ARHGAP27: variants seen among roughly 807,000 people sequenced by gnomAD.
The protein encoded by ARHGAP27 is rho GTPase-activating protein 27.
ARHGAP27 carries 53 observed loss-of-function variants against 102.0 expected under a neutral mutation model. The ratio of observed to expected loss-of-function variants is 0.52; its 90% confidence interval spans 0.42 to 0.65. ARHGAP27 has a LOEUF of 0.65. Ranked by LOEUF, ARHGAP27 falls within the 30% of genes least tolerant of loss-of-function variation. The pLI, the probability that ARHGAP27 is intolerant of heterozygous loss-of-function variation, is 0.00. For missense variants in ARHGAP27, 1,117 were observed against 1,256.2 expected, an observed-to-expected ratio of 0.89 and a Z score of 1.68; for synonymous variants, 525 against 542.8, an observed-to-expected ratio of 0.97 and a Z score of 0.46.
chr17:45,404,802 T>C (rs1323314678), intron 6 of ARHGAP27, 121 bp from the exon 7 acceptor site: 5 of 1,520,834 alleles, frequency 3.3e-6, no homozygotes, highest in Non-Finnish European at 4.5e-6. Context: ...CAGGTGACTG[T>C]GTTTGGCTGG....
At chr17:45,413,996 C>T (rs1487554941) in intron 4 of ARHGAP27, among the ~76,000 whole-genome samples, 2 of 152,044 alleles carry the variant, frequency 1.3e-5, no homozygotes, top group Admixed American at 6.6e-5. Flanking sequence ...ATTCCAGCTA[C>T]TCGGGAGGCT....
chr17:45,405,487 C>T (rs1427900438), intron 5 of ARHGAP27, among the ~76,000 whole-genome samples, 189 bp downstream of exon 5: 1 of 151,396 alleles, frequency 6.6e-6, no homozygotes, highest in African/African-American at 2.4e-5. Flanking sequence ...GCCCCGCCCA[C>T]TCCAGCCCCG....
At chr17:45,402,931 G>C (rs1401791132) in intron 11 of ARHGAP27, 113 bp from the exon 12 acceptor site, 9 of 932,750 alleles carry the variant, frequency 9.6e-6, no homozygotes, top group Non-Finnish European at 1.5e-5. Flanking sequence ...AACAACTCTG[G>C]GGAAAAGTGC....
chr17:45,418,430 A>ACTGCACTCCAGCCTGGG (rs2048699970), intron 4 of ARHGAP27, among the ~76,000 whole-genome samples: 1 of 151,866 alleles, frequency 6.6e-6, no homozygotes, highest in African/African-American at 2.4e-5. Context: ...TGATCGCACC[A>ACTGCACTCCAGCCTGGG]CTGCACTCCA....
In ARHGAP27 at chr17:45,395,641, A is replaced by AGGGG; in HGVS notation, c.2493-12_2493-9dup. 6.6e-7 allele frequency: 1 copy of AGGGG among 1,506,814 alleles called. No homozygotes were observed. The highest frequency in any genetic ancestry group is 9.0e-7 in the Non-Finnish European group (1 of 1,112,792). The allele number at this position is 1,506,814 out of a possible 1,614,324, so 93.3% of individuals were successfully genotyped here. A position where few individuals can be genotyped will look rare whatever the true frequency, so the allele number is the denominator to read the frequency against. On this transcript the variant is annotated splice_polypyrimidine_tract_variant and intron_variant, in intron 19 of 19. Coordinates refer to ENST00000685559, the MANE Select transcript of ARHGAP27 (RefSeq NM_001282290.2). ...TCGCCGTGCTCGATCACCCTGTGGC[A>AGGGG]GGGGTGGGTGGGTTCAGGGCTCCGA...
chr17:45,397,880 G>A, intron 13 of ARHGAP27, 69 bp downstream of exon 13: 2 of 1,392,902 alleles, frequency 1.4e-6, no homozygotes, highest in South Asian at 2.6e-5. Context: ...CCCTGAGCCT[G>A]AGCAGAGGGC....
chr17:45,398,051 GA>G lies in ARHGAP27; in HGVS notation c.1744-5del. On this transcript the variant is annotated splice_polypyrimidine_tract_variant and splice_region_variant and intron_variant, in intron 12 of 19. Coordinates refer to ENST00000685559, the MANE Select transcript of ARHGAP27 (RefSeq NM_001282290.2). ...CAGAGCCATCTCGGCTCCGTAGCTGGAGGGACACAAGTCAGTGGGTCATCTC... is the reference window on the plus strand; with the variant it reads ...CAGAGCCATCTCGGCTCCGTAGCTGGGGGACACAAGTCAGTGGGTCATCTC... The G allele has an allele frequency of 6.2e-7, 1 of 1,600,606 alleles. No individual in the cohort carries two copies. Among genetic ancestry groups the G allele is most frequent in the Non-Finnish European group, 8.5e-7 (1 of 1,170,016 alleles).
At position 45,404,545 on chromosome 17, in the gene ARHGAP27, A is replaced by T. The variant is rs1400243736; in HGVS notation, c.1330-17T>A. On this transcript the variant is annotated splice_polypyrimidine_tract_variant and intron_variant, in intron 7 of 19. Coordinates refer to ENST00000685559, the MANE Select transcript of ARHGAP27 (RefSeq NM_001282290.2). ...GACAGGGACCTGGGGAGAAAGACAC[A>T]GTCGTATATGATCTCTTCCTCTCTC... The T allele has an allele frequency of 6.2e-7, 1 of 1,613,164 alleles. No individual in the cohort carries two copies. The highest frequency in any genetic ancestry group is 8.5e-7 in the Non-Finnish European group (1 of 1,179,676).
At position 45,405,114 on chromosome 17, in the gene ARHGAP27, G is replaced by A; in HGVS notation, c.1066-8C>T. The A allele has an allele frequency of 3.8e-6, 6 of 1,564,696 alleles. No individual in the cohort carries two copies. Among genetic ancestry groups the A allele is most frequent in the Non-Finnish European group, 5.2e-6 (6 of 1,153,870 alleles). ...CGTCTCGGGAGTGGGGGGCTGCGGG[G>A]AACAGAAGGTGGAGTCAGAGGCTCT... On this transcript the variant is annotated splice_region_variant and splice_polypyrimidine_tract_variant and intron_variant, in intron 5 of 19. Coordinates refer to ENST00000685559, the MANE Select transcript of ARHGAP27 (RefSeq NM_001282290.2).
Position 45,432,343 on chromosome 17 carries a change from C to T in ARHGAP27, c.-278G>A, listed in dbSNP as rs2050109501. The T allele has an allele frequency of 6.5e-6, 1 of 153,976 alleles. No individual in the cohort carries two copies. The highest frequency in any genetic ancestry group is 2.4e-5 in the African/African-American group (1 of 41,464). 9.5% of individuals were successfully genotyped at this position (153,976 alleles called of 1,614,324 possible). A position where few individuals can be genotyped will look rare whatever the true frequency, so the allele number is the denominator to read the frequency against. ...AAGGGGACCGGACCTCGGTTCCTTC[C>T]CCGACCCTGGGGAAACGCAGAGAAG... On this transcript the variant is annotated 5_prime_UTR_variant, in exon 2 of 20. Transcript: ENST00000685559.
chr17:45,405,586 C>T (rs2047058625), intron 5 of ARHGAP27, 90 bp downstream of exon 5: 1 of 1,476,130 alleles, frequency 6.8e-7, no homozygotes, highest in Non-Finnish European at 9.0e-7. Context: ...TCACCACCCC[C>T]TCACCCGTGT....
Position 45,395,966 on chromosome 17 carries a change from C to A in ARHGAP27, c.2386+17G>T, listed in dbSNP as rs756050040. 1.1e-5 allele frequency: 18 copies of A among 1,601,758 alleles called. No homozygotes were observed. In the Admixed American group the frequency reaches 2.9e-4, roughly 26 times the overall value. On this transcript the variant is annotated intron_variant, in intron 18 of 19. Transcript: ENST00000685559. ...CACGCCCCTACCCCATCCGCCCCAC[C>A]TGCCCCAGGTGCTCACTGATGGCCG... is the stretch of plus-strand genomic sequence containing the variant.
chr17:45,425,261 G>A (rs1462534271), intron 4 of ARHGAP27, among the ~76,000 whole-genome samples: 3 of 152,018 alleles, frequency 2.0e-5, no homozygotes, highest in Non-Finnish European at 2.9e-5. Flanking sequence ...GAGGGAGTAC[G>A]AGCAAGGGGC....
chr17:45,429,090 T>C (rs2049850232), intron 4 of ARHGAP27, among the ~76,000 whole-genome samples: 2 of 152,212 alleles, frequency 1.3e-5, no homozygotes, highest in Non-Finnish European at 2.9e-5. Flanking sequence ...CACCCTCTCA[T>C]CTGACCCCAG....
rs1167784932 is a variant in ARHGAP27 at position 45,394,203 on chromosome 17, A to C, written c.*1253T>G. 2.0e-5 allele frequency: 3 copies of C among 152,370 alleles called. No individual in the cohort carries two copies. The highest frequency in any genetic ancestry group is 4.8e-5 in the African/African-American group (2 of 41,458). The allele number at this position is 152,370 out of a possible 1,614,324, so 9.4% of individuals were successfully genotyped here. A position where few individuals can be genotyped will look rare whatever the true frequency, so the allele number is the denominator to read the frequency against. The stretch of plus-strand genomic sequence containing the variant: ...GCTTGGCATGGTGCAAATGTCCAAT[A>C]AATATCAGCTGTCATTGTCTGTTGA... On this transcript the variant is annotated 3_prime_UTR_variant, in exon 20 of 20. Transcript: ENST00000685559.
At chr17:45,413,752 T>C (rs911048632) in intron 4 of ARHGAP27, among the ~76,000 whole-genome samples, 4 of 152,060 alleles carry the variant, frequency 2.6e-5, no homozygotes, top group Non-Finnish European at 4.4e-5. Flanking sequence ...ACAACGCTTG[T>C]GCTCTAAGTA....
intron 16 of ARHGAP27, 76 bp from the exon 17 acceptor site, chr17:45,396,360 C>G: frequency 1.3e-6 from 2 of 1,486,442 alleles, no homozygotes; most frequent in Non-Finnish European, 9.0e-7. Flanking sequence ...GCTATGACTC[C>G]CACTCGGGGC....
chr17:45,423,344 C>A (rs1350573407), intron 4 of ARHGAP27, among the ~76,000 whole-genome samples: 1 of 151,736 alleles, frequency 6.6e-6, no homozygotes, highest in African/African-American at 2.4e-5. Context: ...TATAAAATGG[C>A]CAAAATTAAC....
rs2046911352 is a variant in ARHGAP27, at chr17:45,404,674, C to T, written c.1256G>A (p.Arg419Lys). Residue 419 changes from arginine (R) to lysine (K), a missense_variant, in exon 7 of 20, where the codon AGG becomes AAG. Arg to Lys is a conservative substitution (Grantham distance 26). This residue lies in a region of ARHGAP27 where 610 missense variants were observed against 716.4 expected (regional missense o/e 0.85). Transcript: ENST00000685559. ...TGGCTTCCCGTGGGGGTCCTCCAGC[C>T]TCACCCACTGTGGGGAGAGGAATGG... ...TNHFTQEQWV[R>K]LEDPHGKPYF... 6.2e-7 allele frequency: 1 copy of T among 1,611,142 alleles called. No individual in the cohort carries two copies. Among genetic ancestry groups the T allele is most frequent in the South Asian group, 1.1e-5 (1 of 90,898 alleles).
Sources: allele counts gnomAD v4.1 joint callset (sites outside exome capture counted in the v4.1 genomes callset), GRCh38; gene constraint gnomAD v4.1.1; regional missense constraint gnomAD v4.1.1; transcripts MANE v1.5; gene names NCBI Gene and HGNC (gene_info 2026-07-23, HGNC 2026-07-21).